MX2: variants seen among roughly 807,000 people sequenced by gnomAD.
MX2 encodes the protein interferon-induced GTP-binding protein Mx2.
MX2 carries 51 observed loss-of-function variants against 74.0 expected under a neutral mutation model. The ratio of observed to expected loss-of-function variants is 0.69; its 90% CI spans 0.55 to 0.87. The LOEUF (loss-of-function observed/expected upper bound fraction) is 0.87. Ranked by LOEUF, MX2 falls within the 40% of genes least tolerant of loss-of-function variation. The probability of loss-of-function intolerance (pLI) is 0.00; values close to 1 mark genes in which losing one functional copy is unlikely to be tolerated. For synonymous variants in MX2, 369 were observed against 339.3 expected (o/e 1.09, Z -0.96); for missense variants, 832 against 908.7 (o/e 0.92, Z 1.09).
chr21:41,397,909 CA>C (rs531240851), intron 8 of MX2, among the ~76,000 whole-genome samples: 2 of 152,082 alleles, frequency 1.3e-5, no homozygotes, highest in African/African-American at 2.4e-5. Context: ...AATTGGTCAA[CA>C]GGGGGGAAAA....
At chr21:41,364,617 GGACA>G (rs2089247598) in intron 1 of MX2, 1 of 151,964 alleles carries the variant, frequency 6.6e-6, no homozygotes, top group South Asian at 2.1e-4. Flanking sequence ...TTCTCTAGAG[GGACA>G]GAACTAATGG....
At chr21:41,392,736 G>C (rs542241551) in intron 6 of MX2, among the ~76,000 whole-genome samples, 1 of 152,142 alleles carries the variant, frequency 6.6e-6, no homozygotes. Context: ...ACAGAGCAGG[G>C]GGGAGCATCC....
chr21:41,376,814 T>C (rs928405988), intron 1 of MX2, 22 bp from the exon 2 acceptor site: 19 of 1,556,348 alleles, frequency 1.2e-5, no homozygotes, highest in Non-Finnish European at 1.5e-5. Flanking sequence ...TGTGGGCCGC[T>C]CTCCCTCTTG....
At chr21:41,396,344 C>G (rs549637416) in intron 7 of MX2, among the ~76,000 whole-genome samples, 11 of 152,174 alleles carry the variant, frequency 7.2e-5, no homozygotes, top group Non-Finnish European at 1.3e-4. Context: ...AGAAATTATC[C>G]TATAGAGACT....
chr21:41,393,341 C>T (rs909882381), intron 6 of MX2, among the ~76,000 whole-genome samples: 5 of 152,124 alleles, frequency 3.3e-5, no homozygotes, highest in African/African-American at 9.7e-5. Flanking sequence ...TGGCTTCAGC[C>T]GAGCTCCTGT....
chr21:41,395,509 G>A, intron 6 of MX2, 78 bp from the exon 7 acceptor site: 1 of 1,375,708 alleles, frequency 7.3e-7, no homozygotes, highest in South Asian at 1.2e-5. Context: ...CAAAAAAGGA[G>A]CCCATAGTCC....
intron 5 of MX2, among the ~76,000 whole-genome samples, chr21:41,383,496 C>T (rs189872313): frequency 2.0e-5 from 3 of 152,248 alleles, no homozygotes; most frequent in Non-Finnish European, 2.9e-5. Context: ...CCCTGTCATG[C>T]TTTGGCAAGC....
intron 10 of MX2, among the ~76,000 whole-genome samples, chr21:41,400,635 A>G (rs886902816): frequency 6.6e-6 from 1 of 152,234 alleles, no homozygotes; most frequent in Non-Finnish European, 1.5e-5. Flanking sequence ...CATAGCAGAA[A>G]GCAAAGGAGA....
At chr21:41,378,016 G>A in intron 3 of MX2, 35 bp downstream of exon 3, 1 of 1,596,624 alleles carries the variant, frequency 6.3e-7, no homozygotes, top group Non-Finnish European at 8.6e-7. Flanking sequence ...TCCGCAGCAA[G>A]CAGCGCCACC....
intron 4 of MX2, 47 bp from the exon 5 acceptor site, chr21:41,382,363 G>A: frequency 1.3e-6 from 2 of 1,588,438 alleles, no homozygotes; most frequent in Non-Finnish European, 1.7e-6. Flanking sequence ...TTCCTCACAG[G>A]GATCATTAAT....
At chr21:41,395,908 A>G (rs886872459) in intron 7 of MX2, 123 bp downstream of exon 7, 16 of 916,160 alleles carry the variant, frequency 1.7e-5, no homozygotes, top group Admixed American at 2.7e-5. Context: ...ACCTAGCCTC[A>G]CCTGATTTTT....
chr21:41,381,393 T>G (rs2145896257), intron 4 of MX2, among the ~76,000 whole-genome samples: 1 of 152,228 alleles, frequency 6.6e-6, no homozygotes, highest in East Asian at 1.9e-4. Flanking sequence ...TGGGTAAGAA[T>G]GAATAGTGAG....
chr21:41,406,123 G>C (rs2089882812), intron 12 of MX2, among the ~76,000 whole-genome samples: 1 of 152,168 alleles, frequency 6.6e-6, no homozygotes, highest in Non-Finnish European at 1.5e-5. Flanking sequence ...CAAGTAGCTG[G>C]GATTGCAGGC....
At chr21:41,404,543 C>T (rs1256781304) in intron 12 of MX2, 1 of 152,060 alleles carries the variant, frequency 6.6e-6, no homozygotes, top group African/African-American at 2.4e-5. Flanking sequence ...AGGGGAACTT[C>T]AGTATTTAAA....
rs1436304839 is a variant in MX2 at position 41,395,788 on chromosome 21, G to A, written c.1070+3G>A. 6.2e-7 allele frequency: 1 copy of A among 1,613,830 alleles called. No homozygotes were observed. Among genetic ancestry groups the A allele is most frequent in the Non-Finnish European group, 8.5e-7 (1 of 1,179,992 alleles). On this transcript the variant is annotated splice_donor_region_variant and intron_variant, in intron 7 of 13. Transcript: ENST00000330714. ...TTTCAAACACATCCATATTTCAGGT[G>A]AGACTCTTCAGGAAAGCTCTGGAAT... is the stretch of plus-strand genomic sequence containing the variant.
intron 6 of MX2, among the ~76,000 whole-genome samples, chr21:41,394,824 C>T (rs919843907): frequency 1.3e-5 from 2 of 151,900 alleles, no homozygotes; most frequent in African/African-American, 4.8e-5. Context: ...GCCTGTAGTC[C>T]CCGCTACTCA....
In MX2 at chr21:41,380,029, G is replaced by C; in HGVS notation, c.455G>C (p.Arg152Thr). 1 of 1,614,028 alleles carries C rather than the reference G, an allele frequency of 6.2e-7. No homozygotes were observed. The highest frequency in any genetic ancestry group is 8.5e-7 in the Non-Finnish European group (1 of 1,179,928). The change falls in exon 4 of 14, where the codon AGG (arginine) becomes ACG (threonine). Residue 152 changes from arginine to threonine, a missense_variant. Transcript: ENST00000330714. This position sits in a 1 kb window ranked among gnomAD's most constrained non-coding sequence, Gnocchi z 4.3. ...ALPRGSGIVT[R>T]CPLVLKLKKQ... ...ACCTCTCGCTCAGGAATCGTAACCA[G>C]GTGTCCGCTGGTGCTGAAACTGAAA... is the stretch of plus-strand genomic sequence containing the variant.
In MX2 at chr21:41,380,928, A is replaced by G. The variant is rs1028756685; in HGVS notation, c.577+777A>G. Among the ~76,000 whole-genome samples, 3 of 152,178 alleles carry G rather than the reference A, an allele frequency of 2.0e-5. No homozygotes were observed. Among genetic ancestry groups the G allele is most frequent in the South Asian group, 2.1e-4 (1 of 4,820 alleles). On this transcript the variant is annotated intron_variant, in intron 4 of 13. Coordinates refer to ENST00000330714, the MANE Select transcript of MX2 (RefSeq NM_002463.2). The surrounding 1 kb of genome is among the most constrained non-coding windows in gnomAD (Gnocchi z 4.3). ...CTCAGCCAGGATAGATGGAAAAACA[A>G]TCCTGAATGTACTAAGACTCCCTGC...
chr21:41,369,346 C>A (rs2089295376), intron 1 of MX2, among the ~76,000 whole-genome samples: 1 of 152,144 alleles, frequency 6.6e-6, no homozygotes, highest in African/African-American at 2.4e-5. Flanking sequence ...GAGCCGCTGG[C>A]TCTGCTGGAA....
Sources: allele counts gnomAD v4.1 joint callset (sites outside exome capture counted in the v4.1 genomes callset), GRCh38; gene constraint gnomAD v4.1.1; non-coding constraint Gnocchi (gnomAD v3.1); transcripts MANE v1.5; gene names NCBI Gene and HGNC (gene_info 2026-07-23, HGNC 2026-07-21).